Variants in STK35 observed in about 807,000 individuals in gnomAD.
The protein encoded by STK35 is serine/threonine kinase 35, also known as serine/threonine-protein kinase 35.
A neutral mutation model predicts 37.3 loss-of-function variants in STK35; 17 were observed. The ratio of observed to expected loss-of-function variants is 0.46; its 90% CI spans 0.31 to 0.68. The LOEUF is 0.68. Among genes scored for constraint, STK35 ranks in the 30% least tolerant of loss-of-function variants. The pLI is 0.05. For missense variants in STK35, 595 were observed against 746.7 expected (o/e 0.80, Z 2.37); for synonymous variants, 385 against 319.1 (o/e 1.21, Z -2.20).
intron 3 of STK35, among the ~76,000 whole-genome samples, chr20:2,138,429 A>G (rs552987740): frequency 2.0e-5 from 3 of 152,112 alleles, no homozygotes; most frequent in African/African-American, 7.2e-5. Context: ...AGAATTCTTC[A>G]CTCTTCACAG....
intron 3 of STK35, among the ~76,000 whole-genome samples, chr20:2,120,795 A>G (rs1985803733): frequency 6.6e-6 from 1 of 152,210 alleles, no homozygotes; most frequent in South Asian, 2.1e-4. Context: ...TCTGTTGGGA[A>G]GACAGTACCC....
At chr20:2,142,918 A>C (rs1432923562) in intron 3 of STK35, among the ~76,000 whole-genome samples, 1 of 152,252 alleles carries the variant, frequency 6.6e-6, no homozygotes, top group Non-Finnish European at 1.5e-5. Flanking sequence ...CTAGGCCTCC[A>C]GTAGAATAAG....
chr20:2,134,978 TAGA>T (rs751269247), intron 3 of STK35, among the ~76,000 whole-genome samples: 2 of 152,148 alleles, frequency 1.3e-5, no homozygotes, highest in African/African-American at 2.4e-5. Flanking sequence ...TCCTTGGGGT[TAGA>T]AGGAGTCCAG....
intron 3 of STK35, among the ~76,000 whole-genome samples, chr20:2,131,391 A>C (rs1291418925): frequency 6.6e-6 from 1 of 152,066 alleles, no homozygotes; most frequent in Non-Finnish European, 1.5e-5. Context: ...AGACAGGAAG[A>C]TCACTTGAGC....
chr20:2,107,056 C>G (rs1294666951), intron 2 of STK35, among the ~76,000 whole-genome samples: 1 of 152,230 alleles, frequency 6.6e-6, no homozygotes, highest in African/African-American at 2.4e-5. Flanking sequence ...ATACTTCTCA[C>G]ATAAAGGTTG....
At chr20:2,128,655 C>A (rs1600614375) in intron 3 of STK35, among the ~76,000 whole-genome samples, 1 of 152,158 alleles carries the variant, frequency 6.6e-6, no homozygotes, top group Middle Eastern at 3.4e-3. Context: ...GACTTCTGAG[C>A]CATAATAATG....
At chr20:2,140,850 T>A (rs1986161136) in intron 3 of STK35, among the ~76,000 whole-genome samples, 1 of 152,212 alleles carries the variant, frequency 6.6e-6, no homozygotes, top group African/African-American at 2.4e-5. Context: ...CCTTCTGTAG[T>A]CACACTGTGT....
At chr20:2,103,613 CTT>C (rs1456602060) in intron 2 of STK35, among the ~76,000 whole-genome samples, 1 of 152,226 alleles carries the variant, frequency 6.6e-6, no homozygotes, top group African/African-American at 2.4e-5. Flanking sequence ...TAACCATTAA[CTT>C]AATAAGTGCT....
intron 3 of STK35, among the ~76,000 whole-genome samples, chr20:2,125,416 G>T (rs1985887721): frequency 6.6e-6 from 1 of 152,198 alleles, no homozygotes; most frequent in Non-Finnish European, 1.5e-5. Context: ...CTGCAGATAA[G>T]GAAGCAGAAA....
At chr20:2,121,510 G>A (rs1473564399) in intron 3 of STK35, among the ~76,000 whole-genome samples, 1 of 152,134 alleles carries the variant, frequency 6.6e-6, no homozygotes, top group Non-Finnish European at 1.5e-5. Flanking sequence ...ACAAAGTTAG[G>A]TTTTAGTTAT....
rs1986217792 is a variant in STK35, at chr20:2,144,110, G to A, written c.*364G>A. ...AATTTCACTTTTACTTTTTATAAGG[G>A]GTTAGGGAGCTATTTTTGGTTTTGT... is the stretch of plus-strand genomic sequence containing the variant. On this transcript the variant is annotated 3_prime_UTR_variant, in exon 4 of 4. Coordinates refer to ENST00000381482, the MANE Select transcript of STK35 (RefSeq NM_080836.4). 3.1e-6 allele frequency: 1 copy of A among 317,614 alleles called. No individual in the cohort carries two copies. Among genetic ancestry groups the A allele is most frequent in the Non-Finnish European group, 6.0e-6 (1 of 166,614 alleles). 19.7% of individuals were successfully genotyped at this position (317,614 alleles called of 1,614,324 possible). A position where few individuals can be genotyped will look rare whatever the true frequency, so the allele number is the denominator to read the frequency against.
Position 2,148,153 on chromosome 20 carries a change from C to G in STK35, c.*4407C>G, listed in dbSNP as rs975448459. 1 of 152,334 alleles carries G rather than the reference C, an allele frequency of 6.6e-6. No homozygotes were observed. The highest frequency in any genetic ancestry group is 1.5e-5 in the Non-Finnish European group (1 of 68,054). 9.4% of individuals were successfully genotyped at this position (152,334 alleles called of 1,614,324 possible). On this transcript the variant is annotated 3_prime_UTR_variant, in exon 4 of 4. Transcript: ENST00000381482. ...AGGAGAGCCCACAGGAGGAAGGGAG[C>G]CTCTTCAGGGGCACTGGAATCTTTT...
At position 2,145,386 on chromosome 20, in the gene STK35, G is replaced by A. The variant is rs550745502; in HGVS notation, c.*1640G>A. On this transcript the variant is annotated 3_prime_UTR_variant, in exon 4 of 4. Transcript: ENST00000381482. Reference sequence around the variant, plus strand: ...CCAGCATAGGATTGATAGGGGAGACGGTTGGCGGGCATTTCCGTTTCTATG... The same window carrying A: ...CCAGCATAGGATTGATAGGGGAGACAGTTGGCGGGCATTTCCGTTTCTATG... 1 of 141,820 alleles carries A rather than the reference G, an allele frequency of 7.1e-6. No individual in the cohort carries two copies. The highest frequency in any genetic ancestry group is 2.4e-4 in the East Asian group (1 of 4,114). The allele number at this position is 141,820 out of a possible 1,614,324, so 8.8% of individuals were successfully genotyped here. A position where few individuals can be genotyped will look rare whatever the true frequency, so the allele number is the denominator to read the frequency against.
chr20:2,134,443 C>T (rs1986051339), intron 3 of STK35, among the ~76,000 whole-genome samples: 1 of 152,168 alleles, frequency 6.6e-6, no homozygotes, highest in Admixed American at 6.5e-5. Flanking sequence ...TACGTCTCAC[C>T]TGTGCTGGGG....
chr20:2,128,892 G>A (rs1332664369), intron 3 of STK35, among the ~76,000 whole-genome samples: 1 of 152,098 alleles, frequency 6.6e-6, no homozygotes, highest in Admixed American at 6.5e-5. Flanking sequence ...CCAGGCTGGA[G>A]TGCAGTGACA....
At chr20:2,119,777 T>C (rs558093812) in intron 3 of STK35, among the ~76,000 whole-genome samples, 1 of 152,316 alleles carries the variant, frequency 6.6e-6, no homozygotes, top group East Asian at 1.9e-4. Context: ...TCAGGAGCCA[T>C]AAGGCACGGA....
rs753392714 is a variant in STK35 at position 2,124,208 on chromosome 20, C to T, written c.*37+6793C>T. On this transcript the variant is annotated intron_variant, in intron 3 of 3. Transcript: ENST00000381482. The stretch of plus-strand genomic sequence containing the variant: ...ACAAAGCCCAGAGCATTATGAGATG[C>T]GCAGTATGGAACACTTAGTAGGGCT... Among the ~76,000 whole-genome samples the T allele has an allele frequency of 9.9e-5, 15 of 152,238 alleles. No individual in the cohort carries two copies. In the South Asian group the frequency reaches 1.4e-3, roughly 15 times the overall value.
At chr20:2,108,634 T>C (rs987334096) in intron 2 of STK35, among the ~76,000 whole-genome samples, 1 of 152,206 alleles carries the variant, frequency 6.6e-6, no homozygotes. Flanking sequence ...CCACCTGCTC[T>C]CTGCTCTACT....
intron 2 of STK35, among the ~76,000 whole-genome samples, chr20:2,116,061 CAT>C (rs1193366674): frequency 1.3e-5 from 2 of 152,116 alleles, no homozygotes; most frequent in African/African-American, 4.8e-5. Flanking sequence ...AACTAAGCCT[CAT>C]AGAGGTGGAG....
Sources: allele counts gnomAD v4.1 joint callset (sites outside exome capture counted in the v4.1 genomes callset), GRCh38; gene constraint gnomAD v4.1.1; transcripts MANE v1.5; gene names NCBI Gene and HGNC (gene_info 2026-07-23, HGNC 2026-07-21).